The following PTK2B variants were observed in gnomAD, a reference collection of about 807,000 sequenced individuals.
PTK2B encodes the protein protein tyrosine kinase 2 beta, also known as protein-tyrosine kinase 2-beta.
In PTK2B, 71 loss-of-function variants were observed where a neutral mutation model predicts 142.9. The ratio of observed to expected loss-of-function variants is 0.50; its 90% confidence interval spans 0.41 to 0.61. The LOEUF is 0.61. Ranked by LOEUF, PTK2B falls within the 20% of genes least tolerant of loss-of-function variation. The pLI is 0.00. For synonymous variants in PTK2B, 519 were observed against 503.4 expected (o/e 1.03, Z -0.42); for missense variants, 1,105 against 1,320.4 (o/e 0.84, Z 2.53).
At chr8:27,438,988 G>C (rs779052015) in intron 18 of PTK2B, 43 bp from the exon 19 acceptor site, 2 of 1,515,834 alleles carry the variant, frequency 1.3e-6, no homozygotes, top group Middle Eastern at 1.7e-4. Context: ...GCTCCCATGG[G>C]GGTGGGCAGT....
At chr8:27,397,453 CT>C (rs1224596656) in intron 1 of PTK2B, 94 bp from the exon 2 acceptor site, 1 of 924,270 alleles carries the variant, frequency 1.1e-6, no homozygotes. Context: ...GCATTTGTGT[CT>C]GTCTTGGAGC....
chr8:27,436,436 C>G (rs1810781173), intron 15 of PTK2B, 88 bp downstream of exon 15: 2 of 1,314,328 alleles, frequency 1.5e-6, no homozygotes, highest in Non-Finnish European at 2.2e-6. Flanking sequence ...GGAGTTGGCA[C>G]AGCCTTCATC....
At position 27,397,629 on chromosome 8, in the gene PTK2B, G is replaced by A. The variant is rs1045511; in HGVS notation, c.45G>A (p.Thr15=). The A allele has an allele frequency of 0.42, 674,616 of 1,613,228 alleles. 144,816 individuals are homozygous for A. Among genetic ancestry groups the A allele is most frequent in the Middle Eastern group, 0.49 (2,973 of 6,024 alleles). Residue 15 remains threonine (T), a synonymous_variant, in exon 2 of 31, where the codon ACG becomes ACA. Coordinates refer to ENST00000346049, the MANE Select transcript of PTK2B (RefSeq NM_173176.3). The stretch of plus-strand genomic sequence containing the variant: ...CCCTGAGTCGAGTAAAGTTGGGCAC[G>A]TTACGCCGGCCTGAAGGCCCTGCAG... ...SEPLSRVKLG[T]LRRPEGPAEP... is the part of the protein sequence containing the mutation.
chr8:27,413,781 T>G (rs1215530794), intron 2 of PTK2B, among the ~76,000 whole-genome samples: 1 of 152,202 alleles, frequency 6.6e-6, no homozygotes, highest in Non-Finnish European at 1.5e-5. Flanking sequence ...ACCTCCACCC[T>G]CTAGCTTCAT....
At chr8:27,347,258 T>A (rs1804772314) in intron 1 of PTK2B, among the ~76,000 whole-genome samples, 2 of 150,832 alleles carry the variant, frequency 1.3e-5, no homozygotes, top group African/African-American at 4.9e-5. Flanking sequence ...CATGCGCCTG[T>A]AATCCCAGCT....
At chr8:27,354,661 C>A (rs914841308) in intron 1 of PTK2B, among the ~76,000 whole-genome samples, 6 of 152,166 alleles carry the variant, frequency 3.9e-5, no homozygotes, top group African/African-American at 1.4e-4. Flanking sequence ...CAAAATAAAA[C>A]TTTGCAGAAA....
chr8:27,370,497 G>A (rs117075578), intron 1 of PTK2B, among the ~76,000 whole-genome samples: 12 of 152,342 alleles, frequency 7.9e-5, no homozygotes, highest in South Asian at 6.2e-4. Flanking sequence ...GAGCCCTTCC[G>A]TTACGGCCTT....
Position 27,458,691 on chromosome 8 carries a change from G to T in PTK2B, c.*182G>T. 1 of 632,508 alleles carries T rather than the reference G, an allele frequency of 1.6e-6. No individual in the cohort carries two copies. The highest frequency in any genetic ancestry group is 2.7e-5 in the East Asian group (1 of 36,368). The allele number at this position is 632,508 out of a possible 1,614,324, so 39.2% of individuals were successfully genotyped here. A position where few individuals can be genotyped will look rare whatever the true frequency, so the allele number is the denominator to read the frequency against. ...GGCTGTACTGCTCAGGCTGCAGCTG[G>T]ACAGAGGGGACTCTGGGCTATGGAC... On this transcript the variant is annotated 3_prime_UTR_variant, in exon 31 of 31. Transcript: ENST00000346049.
At chr8:27,372,392 T>C (rs987240219) in intron 1 of PTK2B, among the ~76,000 whole-genome samples, 1 of 152,222 alleles carries the variant, frequency 6.6e-6, no homozygotes, top group African/African-American at 2.4e-5. Context: ...AGTTTGATTC[T>C]GAAGGCAAGA....
At chr8:27,444,088 C>T (rs1334756561) in intron 22 of PTK2B, 118 bp from the exon 23 acceptor site, 2 of 1,063,730 alleles carry the variant, frequency 1.9e-6, no homozygotes, top group African/African-American at 3.1e-5. Flanking sequence ...AGCTTTGTCC[C>T]TCAACTTTCC....
In PTK2B at chr8:27,419,972, G is replaced by C. The variant is rs1482786557; in HGVS notation, c.282G>C (p.Leu94=). The C allele has an allele frequency of 6.2e-7, 1 of 1,614,252 alleles. No individual in the cohort carries two copies. The highest frequency in any genetic ancestry group is 1.7e-5 in the Admixed American group (1 of 60,030). ...IRLAECYGLR[L]KHMKSDEIHW... Reference sequence around the variant, plus strand: ...TGGCTGAGTGCTATGGGCTGAGGCTGAAGCACATGAAGTCCGATGAGATCC... The same window carrying C: ...TGGCTGAGTGCTATGGGCTGAGGCTCAAGCACATGAAGTCCGATGAGATCC... The change falls in exon 3 of 31, where the codon CTG becomes CTC. Residue 94 remains leucine (L), a synonymous_variant. Transcript: ENST00000346049.
rs1810984074 is a variant in PTK2B at position 27,439,056 on chromosome 8, G to C, written c.1669G>C (p.Val557Leu). 4.3e-6 allele frequency: 7 copies of C among 1,614,088 alleles called. No individual in the cohort carries two copies. Among genetic ancestry groups the C allele is most frequent in the Non-Finnish European group, 5.9e-6 (7 of 1,179,978 alleles). The change falls in exon 19 of 31, where the codon GTG (valine) becomes CTG (leucine). Residue 557 changes from valine to leucine, a missense_variant. Val to Leu is a conservative substitution (Grantham distance 32). Transcript: ENST00000346049. ...HRDIAVRNIL[V>L]ASPECVKLGD... Reference sequence around the variant, plus strand: ...GGACATTGCTGTCCGGAACATCCTGGTGGCCTCCCCTGAGTGTGTGAAGCT... The same window carrying C: ...GGACATTGCTGTCCGGAACATCCTGCTGGCCTCCCCTGAGTGTGTGAAGCT...
intron 4 of PTK2B, 175 bp from the exon 5 acceptor site, chr8:27,422,129 A>C (rs1809793865): frequency 2.0e-6 from 1 of 508,072 alleles, no homozygotes; most frequent in Admixed American, 4.0e-5. Flanking sequence ...CGGCCTGTGG[A>C]GGCACAAGCA....
intron 1 of PTK2B, among the ~76,000 whole-genome samples, chr8:27,388,458 A>G (rs905691435): frequency 2.0e-5 from 3 of 152,228 alleles, no homozygotes; most frequent in Non-Finnish European, 4.4e-5. Flanking sequence ...GTAAGATGCT[A>G]TGCCCCCATG....
chr8:27,332,037 G>A (rs187388692), intron 1 of PTK2B, among the ~76,000 whole-genome samples: 254 of 152,200 alleles, frequency 1.7e-3, no homozygotes, highest in Non-Finnish European at 2.8e-3. Context: ...CATCCCCTCC[G>A]CTATTTAGGC....
chr8:27,425,243 T>C (rs1002600115), intron 5 of PTK2B, among the ~76,000 whole-genome samples: 3 of 151,646 alleles, frequency 2.0e-5, no homozygotes, highest in Non-Finnish European at 2.9e-5. Flanking sequence ...TAGTATACTA[T>C]AGTATACTAT....
rs534023440 is a variant in PTK2B at position 27,383,270 on chromosome 8, G to A, written c.-37-14278G>A. On this transcript the variant is annotated intron_variant, in intron 1 of 30. Transcript: ENST00000346049. ...CCACTCTCCCAACACACGCCGAGAT[G>A]GAGTCTTGTTCTGTCACCCAAGCTG... Among the ~76,000 whole-genome samples the A allele has an allele frequency of 3.7e-4, 56 of 152,108 alleles. 1 individual carries two copies. Among genetic ancestry groups the A allele is most frequent in the African/African-American group, 1.2e-3 (49 of 41,480 alleles).
intron 1 of PTK2B, among the ~76,000 whole-genome samples, chr8:27,355,344 A>G (rs35104335): frequency 6.6e-6 from 1 of 152,158 alleles, no homozygotes; most frequent in Non-Finnish European, 1.5e-5. Context: ...GAGAAGAGAG[A>G]CAAGAGAGAG....
intron 1 of PTK2B, among the ~76,000 whole-genome samples, chr8:27,384,224 G>A (rs765425185): frequency 3.7e-4 from 56 of 151,300 alleles, no homozygotes; most frequent in Non-Finnish European, 6.3e-4. Flanking sequence ...TCAAACTCCT[G>A]GACTCAAGCA....
Sources: allele counts gnomAD v4.1 joint callset (sites outside exome capture counted in the v4.1 genomes callset), GRCh38; gene constraint gnomAD v4.1.1; transcripts MANE v1.5; gene names NCBI Gene and HGNC (gene_info 2026-07-23, HGNC 2026-07-21).